The following TBC1D5 variants were observed in gnomAD, a reference collection of about 807,000 sequenced individuals.
TBC1D5 encodes the protein TBC1 domain family, member 5.
In TBC1D5, 75 loss-of-function variants were observed where a neutral mutation model predicts 100.3. That is an observed-to-expected ratio of 0.75 (90% confidence interval 0.62 to 0.91). The LOEUF is 0.91. TBC1D5 is among the 40% of genes least tolerant of loss of function. TBC1D5 has a pLI of 0.00. For synonymous variants in TBC1D5, 323 were observed against 325.6 expected (o/e 0.99, Z 0.09); for missense variants, 910 against 942.4 (o/e 0.97, Z 0.45).
rs752286873 is a variant in TBC1D5 at position 17,383,976 on chromosome 3, T to G, written c.549A>C (p.Arg183Ser). Reference sequence around the variant, plus strand: ...AGAAAAGAACATCTGTAAGAATTTTTCTCACATTTTCTTGCTGGAAAAACT... The same window carrying G: ...AGAAAAGAACATCTGTAAGAATTTTGCTCACATTTTCTTGCTGGAAAAACT... Residue 183 changes from arginine to serine, a missense_variant, in exon 9 of 22, where the codon AGA (arginine) becomes AGC (serine). Coordinates refer to ENST00000253692, the Ensembl canonical transcript of TBC1D5. 5 of 1,600,416 alleles carry G rather than the reference T, an allele frequency of 3.1e-6. No homozygotes were observed. Among genetic ancestry groups the G allele is most frequent in the Non-Finnish European group, 3.4e-6 (4 of 1,170,880 alleles).
At chr3:17,736,184 G>A (rs1411411712) in intron 1 of TBC1D5, among the ~76,000 whole-genome samples, 1 of 152,104 alleles carries the variant, frequency 6.6e-6, no homozygotes, top group East Asian at 1.9e-4. Flanking sequence ...GTCGGCCTAG[G>A]AAATCCAGCT....
intron 3 of TBC1D5, chr3:17,465,401 G>C: frequency 5.8e-6 from 1 of 173,444 alleles, no homozygotes; most frequent in Non-Finnish European, 1.3e-5. Flanking sequence ...TGGCTGTCGA[G>C]AAAACATAAT....
chr3:17,343,954 T>C (rs1490118795), intron 13 of TBC1D5, among the ~76,000 whole-genome samples: 3 of 152,210 alleles, frequency 2.0e-5, no homozygotes, highest in Admixed American at 6.5e-5. Flanking sequence ...GGGTTTTTTT[T>C]GTCTCTATTT....
intron 3 of TBC1D5, among the ~76,000 whole-genome samples, chr3:17,468,673 T>C (rs540920093): frequency 5.3e-5 from 8 of 152,284 alleles, no homozygotes; most frequent in Non-Finnish European, 8.8e-5. Context: ...TAATCCTCAA[T>C]AATCAACAAC....
chr3:17,551,615 G>C (rs1255794631), intron 2 of TBC1D5, among the ~76,000 whole-genome samples: 1 of 152,108 alleles, frequency 6.6e-6, no homozygotes, highest in Non-Finnish European at 1.5e-5. Context: ...GATGCTCTTA[G>C]TGTAATCGCA....
At chr3:17,411,515 A>G (rs2093924453) in intron 4 of TBC1D5, among the ~76,000 whole-genome samples, 1 of 152,174 alleles carries the variant, frequency 6.6e-6, no homozygotes, top group African/African-American at 2.4e-5. Context: ...AGGAATCACA[A>G]TTTGTGAGAC....
At chr3:17,267,526 A>C (rs935023816) in intron 15 of TBC1D5, among the ~76,000 whole-genome samples, 3 of 152,162 alleles carry the variant, frequency 2.0e-5, no homozygotes, top group African/African-American at 7.2e-5. Flanking sequence ...TAAAGATTCC[A>C]ATTTGGGAAA....
chr3:17,233,670 T>C lies in TBC1D5; in HGVS notation c.1588+4493A>G. The C allele has an allele frequency of 6.8e-7, 1 of 1,463,788 alleles. No individual in the cohort carries two copies. The highest frequency in any genetic ancestry group is 9.3e-7 in the Non-Finnish European group (1 of 1,080,848). 90.7% of individuals were successfully genotyped at this position (1,463,788 alleles called of 1,614,324 possible). A position where few individuals can be genotyped will look rare whatever the true frequency, so the allele number is the denominator to read the frequency against. Reference sequence around the variant, plus strand: ...GCAAAGAAAAAGAAACACTATGTTGTTATGGTAACTGTACCTTGGAGGTCA... The same window carrying C: ...GCAAAGAAAAAGAAACACTATGTTGCTATGGTAACTGTACCTTGGAGGTCA... On this transcript the variant is annotated intron_variant, in intron 17 of 21. Transcript: ENST00000253692.
intron 1 of TBC1D5, among the ~76,000 whole-genome samples, chr3:17,664,170 A>T (rs1017533171): frequency 9.2e-5 from 14 of 152,236 alleles, no homozygotes; most frequent in African/African-American, 3.4e-4. Context: ...CCCGGGTTCA[A>T]GCAATTCTCC....
At chr3:17,310,716 A>G (rs1015218439) in intron 13 of TBC1D5, among the ~76,000 whole-genome samples, 49 of 152,060 alleles carry the variant, frequency 3.2e-4, no homozygotes, top group African/African-American at 1.2e-3. Context: ...ACCACATAAG[A>G]AAAAAATTTA....
intron 2 of TBC1D5, among the ~76,000 whole-genome samples, chr3:17,535,098 T>C (rs1576570894): frequency 2.0e-5 from 3 of 152,188 alleles, no homozygotes; most frequent in African/African-American, 4.8e-5. Context: ...AGTGAAATTA[T>C]TAAAATGAAG....
intron 1 of TBC1D5, among the ~76,000 whole-genome samples, chr3:17,721,459 A>ATGTGTG (rs59017875): frequency 4.0e-5 from 6 of 149,048 alleles, no homozygotes; most frequent in African/African-American, 7.4e-5. Context: ...GTGTGAGAGC[A>ATGTGTG]TGTGTGTGTG....
At chr3:17,412,372 C>T (rs1325261790) in intron 4 of TBC1D5, among the ~76,000 whole-genome samples, 5 of 152,070 alleles carry the variant, frequency 3.3e-5, no homozygotes. Context: ...AATACTACTG[C>T]AAAGAACTGA....
chr3:17,293,259 T>C (rs569219655), intron 14 of TBC1D5, among the ~76,000 whole-genome samples: 1 of 152,166 alleles, frequency 6.6e-6, no homozygotes, highest in South Asian at 2.1e-4. Context: ...TCTCCAGAAA[T>C]TCAAAAAGCT....
chr3:17,628,649 G>A (rs1345421383), intron 1 of TBC1D5, among the ~76,000 whole-genome samples: 2 of 152,134 alleles, frequency 1.3e-5, no homozygotes, highest in African/African-American at 4.8e-5. Flanking sequence ...CCAATGGAAA[G>A]GTTAAAGCTT....
intron 1 of TBC1D5, among the ~76,000 whole-genome samples, chr3:17,645,055 G>A (rs2064888570): frequency 6.6e-6 from 1 of 152,100 alleles, no homozygotes; most frequent in Non-Finnish European, 1.5e-5. Context: ...TCTGACAGTT[G>A]CTTAGAAAGC....
At chr3:17,392,974 C>G (rs560029946) in intron 8 of TBC1D5, among the ~76,000 whole-genome samples, 1 of 152,200 alleles carries the variant, frequency 6.6e-6, no homozygotes, top group East Asian at 1.9e-4. Context: ...AATTTACACT[C>G]CCACCAAAAG....
chr3:17,496,586 A>G (rs2095710675), intron 3 of TBC1D5, among the ~76,000 whole-genome samples: 1 of 152,190 alleles, frequency 6.6e-6, no homozygotes, highest in Admixed American at 6.5e-5. Context: ...AGAGAAATAG[A>G]AAAATTTAGG....
chr3:17,256,384 TTATATA>T (rs925605324), intron 16 of TBC1D5, among the ~76,000 whole-genome samples: 1 of 147,966 alleles, frequency 6.8e-6, no homozygotes, highest in African/African-American at 2.5e-5. Context: ...CTCAATGTGT[TTATATA>T]TATATAATAT....
Sources: allele counts gnomAD v4.1 joint callset (sites outside exome capture counted in the v4.1 genomes callset), GRCh38; gene constraint gnomAD v4.1.1; transcripts MANE v1.5; gene names NCBI Gene and HGNC (gene_info 2026-07-23, HGNC 2026-07-21).